FAM124A: variants seen among roughly 807,000 people sequenced by gnomAD.
FAM124A encodes family with sequence similarity 124 member A, also known as protein FAM124A.
Under a neutral mutation model 24.5 loss-of-function variants are expected in FAM124A, and 23 were observed. That is an observed-to-expected ratio of 0.94 (90% confidence interval 0.68 to 1.33). FAM124A has a LOEUF of 1.33. Ranked by LOEUF, FAM124A falls within the 40% of genes most tolerant of loss-of-function variation. The pLI is 0.00. For synonymous variants in FAM124A, 287 were observed against 314.7 expected, an observed-to-expected ratio of 0.91 and a Z score of 0.93; for missense variants, 623 against 722.8, an observed-to-expected ratio of 0.86 and a Z score of 1.58.
chr13:51,228,900 C>T (rs190558630), intron 1 of FAM124A, among the ~76,000 whole-genome samples: 6 of 152,218 alleles, frequency 3.9e-5, no homozygotes, highest in Non-Finnish European at 5.9e-5. Flanking sequence ...ACCTCATTGC[C>T]GTGTGTTTTG....
rs1030067568 is a variant in FAM124A, at chr13:51,272,592, C to T, written c.835-7858C>T. 3.9e-5 allele frequency among the ~76,000 whole-genome samples: 6 copies of T among 151,958 alleles called. No individual in the cohort carries two copies. The highest frequency in any genetic ancestry group is 8.8e-5 in the Non-Finnish European group (6 of 67,978). On this transcript the variant is annotated intron_variant, in intron 3 of 3. Transcript: ENST00000322475. The surrounding 1 kb of genome is among the most constrained non-coding windows in gnomAD (Gnocchi z 4.2). Reference sequence around the variant, plus strand: ...ACACACACACACACACACACACACACACCAGTTGAACCACCAGATCAGCTA... The same window carrying T: ...ACACACACACACACACACACACACATACCAGTTGAACCACCAGATCAGCTA...
At chr13:51,265,617 G>T (rs1954777896) in intron 3 of FAM124A, among the ~76,000 whole-genome samples, 2 of 152,108 alleles carry the variant, frequency 1.3e-5, no homozygotes, top group Admixed American at 6.6e-5. Context: ...AATTTAGCAT[G>T]GTAAATCCTG....
intron 3 of FAM124A, among the ~76,000 whole-genome samples, chr13:51,275,629 C>A (rs549791722): frequency 1.3e-5 from 2 of 152,286 alleles, no homozygotes; most frequent in East Asian, 3.9e-4. Context: ...TCATAAGATG[C>A]TCAATATCAT....
chr13:51,244,755 G>A (rs1954537372), intron 2 of FAM124A, among the ~76,000 whole-genome samples: 1 of 152,172 alleles, frequency 6.6e-6, no homozygotes, highest in Non-Finnish European at 1.5e-5. Context: ...CAGCATTGAG[G>A]TAGGTCCAGC....
At position 51,272,326 on chromosome 13, in the gene FAM124A, G is replaced by T. The variant is rs1315402508; in HGVS notation, c.835-8124G>T. Among the ~76,000 whole-genome samples the T allele has an allele frequency of 6.6e-6, 1 of 152,098 alleles. No homozygotes were observed. The highest frequency in any genetic ancestry group is 1.5e-5 in the Non-Finnish European group (1 of 68,024). On this transcript the variant is annotated intron_variant, in intron 3 of 3. Transcript: ENST00000322475. The surrounding 1 kb of genome is among the most constrained non-coding windows in gnomAD (Gnocchi z 4.2). ...CACTCCCCTCCTGCCCGCACTGATT[G>T]TCTCTTGTCTTTATCATTCTGAGAC...
At chr13:51,246,495 G>A (rs909011170) in intron 2 of FAM124A, among the ~76,000 whole-genome samples, 11 of 151,540 alleles carry the variant, frequency 7.3e-5, no homozygotes, top group South Asian at 2.1e-4. Context: ...CAGCGGGTAC[G>A]TGCTAGTGAT....
intron 3 of FAM124A, among the ~76,000 whole-genome samples, chr13:51,279,827 C>A (rs1566176734): frequency 6.6e-6 from 1 of 152,196 alleles, no homozygotes; most frequent in Non-Finnish European, 1.5e-5. Context: ...TAGTTACTAG[C>A]AACAAGTAGA....
At position 51,283,017 on chromosome 13, in the gene FAM124A, G is replaced by A. The variant is rs1008453399; in HGVS notation, c.*1761G>A. 7 of 152,056 alleles carry A rather than the reference G, an allele frequency of 4.6e-5. No homozygotes were observed. Among genetic ancestry groups the A allele is most frequent in the Non-Finnish European group, 8.8e-5 (6 of 68,016 alleles). 9.4% of individuals were successfully genotyped at this position (152,056 alleles called of 1,614,324 possible). ...AGCCATGAGTAATATGTTAATGAAT[G>A]GGAATGGCTGAGTTCCAATAAAGCT... is the stretch of plus-strand genomic sequence containing the variant. On this transcript the variant is annotated 3_prime_UTR_variant, in exon 4 of 4. Transcript: ENST00000322475.
At chr13:51,234,969 T>C (rs1275372767) in intron 2 of FAM124A, among the ~76,000 whole-genome samples, 1 of 152,100 alleles carries the variant, frequency 6.6e-6, no homozygotes, top group Non-Finnish European at 1.5e-5. Context: ...CATCGTCCTC[T>C]TTTCCTCCAC....
At chr13:51,225,450 CTG>C (rs1158694603) in intron 1 of FAM124A, 1 of 152,216 alleles carries the variant, frequency 6.6e-6, no homozygotes, top group Admixed American at 6.5e-5. Flanking sequence ...TTCAACAACT[CTG>C]TGCAGCAGGT....
intron 3 of FAM124A, among the ~76,000 whole-genome samples, chr13:51,279,574 G>C (rs138734685): frequency 6.6e-5 from 10 of 152,326 alleles, no homozygotes; most frequent in Admixed American, 2.6e-4. Context: ...GAGAATCTGA[G>C]AGAAGCAGAC....
chr13:51,234,853 G>A (rs543627813), intron 2 of FAM124A, among the ~76,000 whole-genome samples: 23 of 152,256 alleles, frequency 1.5e-4, no homozygotes, highest in African/African-American at 4.1e-4. Flanking sequence ...CCTATAGGTC[G>A]GTCACAGTAG....
At chr13:51,256,904 A>G (rs965690584) in intron 3 of FAM124A, among the ~76,000 whole-genome samples, 1 of 152,148 alleles carries the variant, frequency 6.6e-6, no homozygotes, top group Non-Finnish European at 1.5e-5. Context: ...GAGTTTGACT[A>G]CTATAAGTAC....
At chr13:51,239,056 C>T (rs1005106568) in intron 2 of FAM124A, among the ~76,000 whole-genome samples, 3 of 152,186 alleles carry the variant, frequency 2.0e-5, no homozygotes, top group African/African-American at 7.2e-5. Context: ...CTTCTCGTGA[C>T]TACTTTCTCC....
intron 2 of FAM124A, among the ~76,000 whole-genome samples, chr13:51,240,461 G>A (rs111577756): frequency 2.0e-5 from 3 of 152,280 alleles, no homozygotes; most frequent in East Asian, 1.9e-4. Flanking sequence ...GTTGCAAGAC[G>A]TCTTTCCTTT....
At chr13:51,269,537 C>A (rs983435406) in intron 3 of FAM124A, among the ~76,000 whole-genome samples, 4 of 152,264 alleles carry the variant, frequency 2.6e-5, no homozygotes, top group Admixed American at 2.0e-4. Flanking sequence ...ATTAGATTTA[C>A]AAGAGTTACT....
chr13:51,281,463 A>C lies in FAM124A; in HGVS notation c.*207A>C. 1 of 466,146 alleles carries C rather than the reference A, an allele frequency of 2.1e-6. No individual in the cohort carries two copies. Among genetic ancestry groups the C allele is most frequent in the Non-Finnish European group, 3.7e-6 (1 of 268,576 alleles). The allele number at this position is 466,146 out of a possible 1,614,324, so 28.9% of individuals were successfully genotyped here. A position where few individuals can be genotyped will look rare whatever the true frequency, so the allele number is the denominator to read the frequency against. ...AATACTGGCATTTTTATGCAAATAA[A>C]TTCTCAACAAACTTGTCATAAAATA... is the stretch of plus-strand genomic sequence containing the variant. On this transcript the variant is annotated 3_prime_UTR_variant, in exon 4 of 4. Transcript: ENST00000322475.
intron 3 of FAM124A, among the ~76,000 whole-genome samples, chr13:51,270,379 T>C (rs1954828592): frequency 6.6e-6 from 1 of 152,238 alleles, no homozygotes; most frequent in Non-Finnish European, 1.5e-5. Context: ...TCCTTTTGTT[T>C]CTGCATTTGT....
intron 3 of FAM124A, among the ~76,000 whole-genome samples, chr13:51,270,351 A>C (rs986562039): frequency 2.6e-5 from 4 of 152,156 alleles, no homozygotes; most frequent in African/African-American, 4.8e-5. Context: ...ACATCTATAA[A>C]GTTGTCCTGT....
Sources: gnomAD v4.1 joint callset for allele counts (sites outside exome capture counted in the v4.1 genomes callset) on GRCh38, gnomAD v4.1.1 for gene constraint, Gnocchi (gnomAD v3.1) non-coding constraint, MANE v1.5 for transcripts, NCBI Gene and HGNC (gene_info 2026-07-23, HGNC 2026-07-21) for gene names.